Variants in DGKB observed in about 807,000 individuals in gnomAD.
DGKB encodes the protein diacylglycerol kinase beta, also known as 90 kDa diacylglycerol kinase.
DGKB carries 67 observed loss-of-function variants against 114.3 expected under a neutral mutation model. The ratio of observed to expected loss-of-function variants is 0.59; its 90% confidence interval spans 0.48 to 0.72. The LOEUF is 0.72. Ranked by LOEUF, DGKB falls within the 30% of genes least tolerant of loss-of-function variation. The pLI, the probability that DGKB is intolerant of heterozygous loss-of-function variation, is 0.00. For missense variants in DGKB, 907 were observed against 975.2 expected (o/e 0.93, Z 0.93); for synonymous variants, 398 against 323.1 (o/e 1.23, Z -2.49).
At chr7:14,170,173 GAAAGAAAGAAAGAA>G (rs1780749576) in intron 25 of DGKB, among the ~76,000 whole-genome samples, 3 of 145,310 alleles carry the variant, frequency 2.1e-5, no homozygotes, top group Admixed American at 1.4e-4. Flanking sequence ...AAGAAAGAAA[GAAAGAAAGAAAGAA>G]AGAAAGAAAG....
intron 1 of DGKB, among the ~76,000 whole-genome samples, chr7:14,865,635 T>C (rs1287632209): frequency 6.6e-6 from 1 of 152,196 alleles, no homozygotes; most frequent in Non-Finnish European, 1.5e-5. Context: ...TTGGCTGAAC[T>C]TTGGTGGATT....
At chr7:14,388,817 A>G (rs761982646) in intron 21 of DGKB, among the ~76,000 whole-genome samples, 3 of 152,208 alleles carry the variant, frequency 2.0e-5, no homozygotes, top group Admixed American at 1.3e-4. Flanking sequence ...GGTGGTGACA[A>G]CTGAGGAAAG....
intron 5 of DGKB, among the ~76,000 whole-genome samples, chr7:14,723,025 A>ATTCAT (rs1554621646): frequency 6.7e-6 from 1 of 149,314 alleles, no homozygotes; most frequent in African/African-American, 2.5e-5. Context: ...TTATTTATTC[A>ATTCAT]TTTTTTTTTC....
rs1160064402 is a variant in DGKB at position 14,630,286 on chromosome 7, T to C, written c.1135-18A>G. 9 of 1,546,504 alleles carry C rather than the reference T, an allele frequency of 5.8e-6. No homozygotes were observed. The highest frequency in any genetic ancestry group is 2.8e-5 in the African/African-American group (2 of 72,584). ...GGCAGAGTCTGCTGAAAAAGAGAAG[T>C]TCATATGAAAGCTGAAAAAGAGTCA... is the stretch of plus-strand genomic sequence containing the variant. On this transcript the variant is annotated intron_variant, in intron 13 of 25. Transcript: ENST00000402815.
intron 23 of DGKB, among the ~76,000 whole-genome samples, chr7:14,188,242 C>G (rs1043987312): frequency 9.9e-5 from 15 of 152,060 alleles, no homozygotes; most frequent in African/African-American, 3.6e-4. Flanking sequence ...AATAAATTTT[C>G]TCATAATAGG....
In DGKB at chr7:14,486,371, A is replaced by G. The variant is rs574811925; in HGVS notation, c.1771-8146T>C. Among the ~76,000 whole-genome samples the G allele has an allele frequency of 7.2e-5, 11 of 152,354 alleles. No individual in the cohort carries two copies. In the South Asian group the frequency reaches 2.1e-3, roughly 29 times the overall value. On this transcript the variant is annotated intron_variant, in intron 20 of 25. Transcript: ENST00000402815. Reference sequence around the variant, plus strand: ...CCAAAAAGTCTGTGGGAAACCACATAGGATCATGCAGAATACTGGGGTAGG... The same window carrying G: ...CCAAAAAGTCTGTGGGAAACCACATGGGATCATGCAGAATACTGGGGTAGG...
At chr7:14,488,785 G>A (rs1400484152) in intron 20 of DGKB, among the ~76,000 whole-genome samples, 11 of 150,082 alleles carry the variant, frequency 7.3e-5, no homozygotes, top group African/African-American at 9.8e-5. Context: ...CCGAGACTGC[G>A]CCACTGCACT....
chr7:14,423,682 C>T (rs556442440), intron 21 of DGKB, among the ~76,000 whole-genome samples: 29 of 152,140 alleles, frequency 1.9e-4, no homozygotes, highest in Middle Eastern at 3.4e-3. Context: ...ACTTCTTTTA[C>T]GAAGTTAACA....
In DGKB at chr7:14,178,240, A is replaced by AT. The variant is rs1309653277; in HGVS notation, c.2123-90dup. On this transcript the variant is annotated intron_variant, in intron 23 of 25. Transcript: ENST00000402815. ...TTTGATATTATGGAGATTAAAAAAA[A>AT]TAACAGCCACTTCACAAAGAAAGCT... 2.2e-6 allele frequency: 3 copies of AT among 1,344,910 alleles called. No homozygotes were observed. In the African/African-American group the frequency reaches 4.6e-5, roughly 20 times the overall value. 83.3% of individuals were successfully genotyped at this position (1,344,910 alleles called of 1,614,324 possible).
At chr7:14,684,825 T>C (rs1821398276) in intron 10 of DGKB, among the ~76,000 whole-genome samples, 2 of 152,064 alleles carry the variant, frequency 1.3e-5, no homozygotes, top group East Asian at 3.9e-4. Flanking sequence ...TCAATTAATG[T>C]AACTTAAACA....
At chr7:14,645,217 C>T (rs62445643) in intron 13 of DGKB, among the ~76,000 whole-genome samples, 6,591 of 152,134 alleles carry the variant, frequency 0.043, 183 homozygotes, top group African/African-American at 0.081. Flanking sequence ...CTCTCATTGC[C>T]GAGAGCTTTC....
intron 23 of DGKB, among the ~76,000 whole-genome samples, chr7:14,257,997 G>A (rs1490208626): frequency 1.3e-5 from 2 of 152,112 alleles, no homozygotes; most frequent in Non-Finnish European, 2.9e-5. Context: ...CAAAGTGCTG[G>A]GATTGCAGGC....
intron 2 of DGKB, among the ~76,000 whole-genome samples, chr7:14,785,513 A>C (rs1344596527): frequency 1.3e-5 from 2 of 152,160 alleles, no homozygotes; most frequent in African/African-American, 4.8e-5. Flanking sequence ...ACTAAATTAA[A>C]TTAAATTAAA....
At chr7:14,253,790 T>G (rs1356598651) in intron 23 of DGKB, among the ~76,000 whole-genome samples, 1 of 152,214 alleles carries the variant, frequency 6.6e-6, no homozygotes, top group Non-Finnish European at 1.5e-5. Flanking sequence ...TCTATGGGGC[T>G]TCTCTTGTAT....
At chr7:14,546,207 C>T (rs1364777607) in intron 20 of DGKB, among the ~76,000 whole-genome samples, 1 of 152,156 alleles carries the variant, frequency 6.6e-6, no homozygotes, top group Non-Finnish European at 1.5e-5. Flanking sequence ...CAACCAATCC[C>T]AATTTAATTT....
At chr7:14,612,906 T>C (rs1805826148) in intron 16 of DGKB, among the ~76,000 whole-genome samples, 1 of 152,158 alleles carries the variant, frequency 6.6e-6, no homozygotes, top group Admixed American at 6.6e-5. Context: ...CCAGGAAATA[T>C]GGCATCATGT....
At chr7:14,405,371 T>C (rs1823777305) in intron 21 of DGKB, among the ~76,000 whole-genome samples, 1 of 152,088 alleles carries the variant, frequency 6.6e-6, no homozygotes, top group Non-Finnish European at 1.5e-5. Flanking sequence ...TTATGACTTC[T>C]GAAATAATTC....
chr7:14,660,532 G>A (rs915234526), intron 13 of DGKB, among the ~76,000 whole-genome samples: 2 of 151,930 alleles, frequency 1.3e-5, no homozygotes, highest in African/African-American at 4.8e-5. Context: ...ATTCTCTGAT[G>A]GTAGTTTGTA....
chr7:14,230,743 C>T (rs1791593998), intron 23 of DGKB, among the ~76,000 whole-genome samples: 2 of 151,948 alleles, frequency 1.3e-5, no homozygotes, highest in Non-Finnish European at 2.9e-5. Context: ...GTTTACTTTG[C>T]TCATTTCACT....
Sources: allele counts gnomAD v4.1 joint callset (sites outside exome capture counted in the v4.1 genomes callset), GRCh38; gene constraint gnomAD v4.1.1; transcripts MANE v1.5; gene names NCBI Gene and HGNC (gene_info 2026-07-23, HGNC 2026-07-21).